The following HTR1D variants were observed in gnomAD, a reference collection of about 807,000 sequenced individuals.
HTR1D encodes the protein 5-hydroxytryptamine receptor 1D, also known as 5-HT-1D.
In HTR1D, 18 loss-of-function variants were observed where a neutral mutation model predicts 21.1. The observed-to-expected ratio is 0.85, with a 90% confidence interval of 0.59 to 1.27. HTR1D has a LOEUF of 1.27. HTR1D is among the 50% of genes most tolerant of loss of function. The pLI is 0.00. For synonymous variants in HTR1D, 196 were observed against 204.4 expected (o/e 0.96, Z 0.35); for missense variants, 456 against 481.4 (o/e 0.95, Z 0.49).
chr1:23,211,853 G>A (rs1395195514), intron 1 of HTR1D, among the ~76,000 whole-genome samples: 1 of 151,632 alleles, frequency 6.6e-6, no homozygotes, highest in Admixed American at 6.6e-5. Context: ...TTATAGAGAT[G>A]GGGTCTCCCT....
chr1:23,206,740 C>A (rs983020940), intron 1 of HTR1D, among the ~76,000 whole-genome samples: 2 of 152,102 alleles, frequency 1.3e-5, no homozygotes, highest in Admixed American at 6.6e-5. Context: ...GCTCAGGTAC[C>A]CCTTTCCTGA....
At chr1:23,212,795 C>G (rs1486816643) in intron 1 of HTR1D, among the ~76,000 whole-genome samples, 1 of 151,622 alleles carries the variant, frequency 6.6e-6, no homozygotes, top group East Asian at 1.9e-4. Context: ...ACTCAAGCCA[C>G]CTCACTCACA....
At chr1:23,205,380 T>C (rs1644725805) in intron 1 of HTR1D, among the ~76,000 whole-genome samples, 1 of 152,100 alleles carries the variant, frequency 6.6e-6, no homozygotes, top group South Asian at 2.1e-4. Flanking sequence ...TGTACCCCAA[T>C]AACCTATGGG....
chr1:23,201,686 GGACTACA>G (rs1385845138), intron 1 of HTR1D, among the ~76,000 whole-genome samples: 1 of 151,974 alleles, frequency 6.6e-6, no homozygotes, highest in Non-Finnish European at 1.5e-5. Context: ...CAAGTAGCTG[GGACTACA>G]GACACAAGCC....
At chr1:23,211,510 C>T (rs777098073) in intron 1 of HTR1D, among the ~76,000 whole-genome samples, 7 of 152,074 alleles carry the variant, frequency 4.6e-5, no homozygotes, top group Non-Finnish European at 1.0e-4. Context: ...GAGTTAAAAA[C>T]AAGGAATTAG....
At chr1:23,204,408 A>G (rs1644721683) in intron 1 of HTR1D, among the ~76,000 whole-genome samples, 1 of 152,178 alleles carries the variant, frequency 6.6e-6, no homozygotes, top group Non-Finnish European at 1.5e-5. Flanking sequence ...TACAGGCATG[A>G]GCCACCATGC....
In HTR1D at chr1:23,194,990, C is replaced by T. The variant is rs969428571; in HGVS notation, c.-771G>A. On this transcript the variant is annotated 5_prime_UTR_variant, in exon 2 of 2. In the 5' UTR this introduces an upstream ATG that the reference lacks. Coordinates refer to ENST00000374619, the MANE Select transcript of HTR1D (RefSeq NM_000864.5). ...ACTGTGGGCTCACAGAGCAGGGACA[C>T]ATTCAGAAGATCTGGGATTTAAAAA... Among the ~76,000 whole-genome samples the T allele has an allele frequency of 6.6e-6, 1 of 152,004 alleles. No individual in the cohort carries two copies. The highest frequency in any genetic ancestry group is 2.4e-5 in the African/African-American group (1 of 41,380).
At chr1:23,212,546 T>C (rs1644757590) in intron 1 of HTR1D, among the ~76,000 whole-genome samples, 1 of 152,232 alleles carries the variant, frequency 6.6e-6, no homozygotes, top group Admixed American at 6.5e-5. Context: ...CATCTCATTA[T>C]CCTGCAGTCC....
At position 23,193,766 on chromosome 1, in the gene HTR1D, C is replaced by A. The variant is rs142643700; in HGVS notation, c.454G>T (p.Ala152Ser). ...DALEYSKRRT[A>S]GHAATMIAIV... is the part of the protein sequence containing the mutation. ...GCGATCATGGTGGCCGCGTGGCCAG[C>A]CGTCCTGCGTTTACTGTATTCCAGG... The change falls in exon 2 of 2, where the codon GCT becomes TCT. Residue 152 changes from alanine to serine, a missense_variant. Transcript: ENST00000374619. The A allele has an allele frequency of 4.4e-4, 712 of 1,613,976 alleles. 2 individuals are homozygous for A. Among genetic ancestry groups the A allele is most frequent in the Non-Finnish European group, 4.3e-4 (505 of 1,179,992 alleles).
intron 1 of HTR1D, among the ~76,000 whole-genome samples, chr1:23,208,284 C>T (rs963648389): frequency 6.6e-6 from 1 of 152,016 alleles, no homozygotes; most frequent in Non-Finnish European, 1.5e-5. Flanking sequence ...CAAAAATTAG[C>T]CAGGTGGCTG....
At chr1:23,208,625 C>CAAAAG (rs769493609) in intron 1 of HTR1D, among the ~76,000 whole-genome samples, 23 of 151,056 alleles carry the variant, frequency 1.5e-4, no homozygotes, top group East Asian at 1.9e-4. Flanking sequence ...CATGGTGTCT[C>CAAAAG]AAAAGAAAAG....
At position 23,193,037 on chromosome 1, in the gene HTR1D, G is replaced by A. The variant is rs763199825; in HGVS notation, c.*49C>T. 1.7e-6 allele frequency: 2 copies of A among 1,158,576 alleles called. No individual in the cohort carries two copies. The highest frequency in any genetic ancestry group is 2.4e-5 in the East Asian group (1 of 40,916). The allele number at this position is 1,158,576 out of a possible 1,614,324, so 71.8% of individuals were successfully genotyped here. On this transcript the variant is annotated 3_prime_UTR_variant, in exon 2 of 2. Transcript: ENST00000374619. ...AATTAAAAAAAAAAAAGACAATCCC[G>A]ATGAGGTTACAGGACACAAAAGATA... is the stretch of plus-strand genomic sequence containing the variant.
chr1:23,216,573 C>A (rs1338716174), intron 1 of HTR1D, among the ~76,000 whole-genome samples: 1 of 152,208 alleles, frequency 6.6e-6, no homozygotes, highest in Non-Finnish European at 1.5e-5. Context: ...TTGGGCAAGA[C>A]GGATTCCCCA....
intron 1 of HTR1D, among the ~76,000 whole-genome samples, chr1:23,207,759 C>CTT (rs532795222): frequency 0.13 from 15,882 of 124,678 alleles, 1,220 homozygotes; most frequent in South Asian, 0.29. Context: ...GCAAGAGCCT[C>CTT]TTTTTTTTTT....
intron 1 of HTR1D, among the ~76,000 whole-genome samples, chr1:23,205,209 A>C (rs2148241643): frequency 6.6e-6 from 1 of 152,182 alleles, no homozygotes; most frequent in South Asian, 2.1e-4. Flanking sequence ...GCAAAGGCAT[A>C]AGAATGATAC....
intron 1 of HTR1D, among the ~76,000 whole-genome samples, chr1:23,212,820 G>A (rs1189770626): frequency 8.0e-6 from 1 of 125,070 alleles, no homozygotes; most frequent in Non-Finnish European, 1.6e-5. Flanking sequence ...GCCCTCCTGA[G>A]TGCCTCTTTT....
chr1:23,197,477 T>C (rs1280560712), intron 1 of HTR1D, among the ~76,000 whole-genome samples: 1 of 152,134 alleles, frequency 6.6e-6, no homozygotes, highest in African/African-American at 2.4e-5. Flanking sequence ...ACACCTGTAA[T>C]CCCAGCACTT....
rs780576341 is a variant in HTR1D, at chr1:23,193,483, G to A, written c.737C>T (p.Thr246Ile). The change falls in exon 2 of 2, where the codon ACA becomes ATA. Residue 246 changes from threonine to isoleucine, a missense_variant. Thr to Ile is a moderately conservative substitution (Grantham distance 89). Transcript: ENST00000374619. ...GCAGAGCGAGGACCCGGCAGAGCCT[G>A]TGATGAGGTGGGCCGTGGTGAAGCG... Reference protein sequence around the residue: ...GKRFTTAHLITGSAGSSLCSL... With the variant: ...GKRFTTAHLIIGSAGSSLCSL... The A allele has an allele frequency of 6.2e-7, 1 of 1,614,112 alleles. No individual in the cohort carries two copies. Among genetic ancestry groups the A allele is most frequent in the Non-Finnish European group, 8.5e-7 (1 of 1,179,950 alleles).
At chr1:23,216,213 CACTGG>C (rs1644773009) in intron 1 of HTR1D, among the ~76,000 whole-genome samples, 1 of 152,256 alleles carries the variant, frequency 6.6e-6, no homozygotes, top group African/African-American at 2.4e-5. Flanking sequence ...AACTGGAAAA[CACTGG>C]AAGCTGGTTG....
Sources: allele counts gnomAD v4.1 joint callset (sites outside exome capture counted in the v4.1 genomes callset), GRCh38; gene constraint gnomAD v4.1.1; transcripts MANE v1.5; gene names NCBI Gene and HGNC (gene_info 2026-07-23, HGNC 2026-07-21).